TENM4: variants seen among roughly 807,000 people sequenced by gnomAD.
The protein encoded by TENM4 is teneurin transmembrane protein 4, also known as teneurin-4.
TENM4 carries 82 observed loss-of-function variants against 243.3 expected under a neutral mutation model. The observed-to-expected ratio is 0.34, with a 90% CI of 0.28 to 0.40. The LOEUF (loss-of-function observed/expected upper bound fraction) is 0.40. TENM4 is among the 10% of genes least tolerant of loss of function. The probability of loss-of-function intolerance (pLI) is 1.00; values close to 1 mark genes in which losing one functional copy is unlikely to be tolerated. For synonymous variants in TENM4, 1,412 were observed against 1,456.3 expected (o/e 0.97, Z 0.69); for missense variants, 3,138 against 3,673.3 (o/e 0.85, Z 3.77).
At chr11:78,939,423 G>A (rs969892180) in intron 6 of TENM4, among the ~76,000 whole-genome samples, 1 of 152,200 alleles carries the variant, frequency 6.6e-6, no homozygotes, top group African/African-American at 2.4e-5. Context: ...GAAGGAACAT[G>A]GTATTAGCAA....
chr11:78,912,991 T>A (rs1856225910), intron 6 of TENM4, among the ~76,000 whole-genome samples: 1 of 152,232 alleles, frequency 6.6e-6, no homozygotes, highest in African/African-American at 2.4e-5. Flanking sequence ...CTGAGCCCGT[T>A]TCCCCAATTG....
intron 1 of TENM4, among the ~76,000 whole-genome samples, chr11:79,392,911 T>C (rs1159189907): frequency 6.6e-6 from 1 of 152,194 alleles, no homozygotes; most frequent in Non-Finnish European, 1.5e-5. Flanking sequence ...GTGATCCACA[T>C]ACAGCAAGGG....
chr11:79,134,012 G>A (rs1453522774), intron 4 of TENM4, among the ~76,000 whole-genome samples: 3 of 152,132 alleles, frequency 2.0e-5, no homozygotes, highest in African/African-American at 7.2e-5. Context: ...TCAGTCAAGA[G>A]AGAGAAATAA....
intron 1 of TENM4, among the ~76,000 whole-genome samples, chr11:79,403,917 G>A (rs1858514362): frequency 1.3e-5 from 2 of 152,216 alleles, no homozygotes; most frequent in Admixed American, 6.5e-5. Flanking sequence ...GGCTCATCAT[G>A]TGTATTAGCT....
At chr11:78,940,312 A>G (rs953897231) in intron 6 of TENM4, among the ~76,000 whole-genome samples, 1 of 152,206 alleles carries the variant, frequency 6.6e-6, no homozygotes, top group South Asian at 2.1e-4. Context: ...CCAACCTCCT[A>G]CTATTAGACA....
chr11:79,066,768 A>T (rs576244096), intron 5 of TENM4, among the ~76,000 whole-genome samples: 1 of 152,120 alleles, frequency 6.6e-6, no homozygotes, highest in Non-Finnish European at 1.5e-5. Context: ...AAGCACGCAC[A>T]CACACACAAG....
chr11:79,409,652 C>CTGG (rs1858656508), intron 1 of TENM4, among the ~76,000 whole-genome samples: 2 of 152,174 alleles, frequency 1.3e-5, no homozygotes, highest in Non-Finnish European at 2.9e-5. Context: ...CGCACACCAG[C>CTGG]TGTAGCAGAC....
intron 1 of TENM4, among the ~76,000 whole-genome samples, chr11:79,417,520 TAGA>T (rs1344337126): frequency 1.3e-5 from 2 of 151,980 alleles, no homozygotes; most frequent in East Asian, 1.9e-4. Flanking sequence ...TGTACCTGAG[TAGA>T]AGAAGTTTCA....
rs771514418 is a variant in TENM4 at position 78,658,350 on chromosome 11, A to T, written c.8018T>A (p.Leu2673Gln). ...YTDIQLQYGA[L>Q]CLNTRYGTTL... Reference sequence around the variant, plus strand: ...TGTCCCGTAGCGTGTGTTCAAGCACAGTGCCCCGTACTGGAGCTGGATGTC... The same window carrying T: ...TGTCCCGTAGCGTGTGTTCAAGCACTGTGCCCCGTACTGGAGCTGGATGTC... Residue 2673 changes from leucine (L) to glutamine (Q), a missense_variant, in exon 34 of 34, where the codon CTG becomes CAG. Physicochemically the swap from Leu to Gln is moderately radical, Grantham distance 113 (BLOSUM62 -2). Transcript: ENST00000278550. The T allele has an allele frequency of 2.7e-5, 43 of 1,613,736 alleles. No homozygotes were observed. Among genetic ancestry groups the T allele is most frequent in the Non-Finnish European group, 3.6e-5 (43 of 1,179,802 alleles).
At chr11:79,251,164 GA>G (rs1855603577) in intron 2 of TENM4, among the ~76,000 whole-genome samples, 1 of 152,256 alleles carries the variant, frequency 6.6e-6, no homozygotes, top group South Asian at 2.1e-4. Context: ...CCACGTGGGG[GA>G]AAAAAGATGT....
chr11:79,361,662 T>C (rs1857591840), intron 1 of TENM4, among the ~76,000 whole-genome samples: 1 of 152,110 alleles, frequency 6.6e-6, no homozygotes, highest in Non-Finnish European at 1.5e-5. Flanking sequence ...ATGGCACAAA[T>C]AGACTACTTT....
At chr11:79,399,950 T>A (rs563703459) in intron 1 of TENM4, among the ~76,000 whole-genome samples, 172 of 152,260 alleles carry the variant, frequency 1.1e-3, no homozygotes, top group African/African-American at 4.0e-3. Context: ...TTATTATCTC[T>A]TTAGCCCAAA....
At chr11:78,895,251 G>A (rs1461865773) in intron 7 of TENM4, among the ~76,000 whole-genome samples, 2 of 151,516 alleles carry the variant, frequency 1.3e-5, no homozygotes, top group Non-Finnish European at 1.5e-5. Context: ...CAGGAGAATC[G>A]CTTGGACCCA....
chr11:79,146,760 C>A lies in TENM4; in HGVS notation c.-66+1950G>T, dbSNP rs924072893. Among the ~76,000 whole-genome samples the A allele has an allele frequency of 2.6e-5, 4 of 152,084 alleles. No individual in the cohort carries two copies. In the South Asian group the frequency reaches 6.2e-4, roughly 24 times the overall value. ...GCATCCTCCCAGCTCCTGAGAGCAG[C>A]CCTATCCACAGACTTTCAGCTCCAG... On this transcript the variant is annotated intron_variant, in intron 4 of 33. Coordinates refer to ENST00000278550, the MANE Select transcript of TENM4 (RefSeq NM_001098816.3).
At chr11:79,047,202 G>C (rs1365142412) in intron 6 of TENM4, among the ~76,000 whole-genome samples, 2 of 152,150 alleles carry the variant, frequency 1.3e-5, no homozygotes, top group Non-Finnish European at 2.9e-5. Flanking sequence ...CTGACCAAGA[G>C]ACAGACTTAA....
At chr11:79,098,357 C>G (rs1384153671) in intron 4 of TENM4, among the ~76,000 whole-genome samples, 1 of 152,168 alleles carries the variant, frequency 6.6e-6, no homozygotes, top group African/African-American at 2.4e-5. Flanking sequence ...TTCTCCTGAC[C>G]CCTGGCTCCT....
chr11:79,372,965 T>G (rs1327007016), intron 1 of TENM4, among the ~76,000 whole-genome samples: 1 of 152,150 alleles, frequency 6.6e-6, no homozygotes, highest in Non-Finnish European at 1.5e-5. Flanking sequence ...AAGTGTATTA[T>G]TGGAGCTGTA....
chr11:79,398,734 C>T (rs370505695), intron 1 of TENM4, among the ~76,000 whole-genome samples: 2 of 96,526 alleles, frequency 2.1e-5, no homozygotes, highest in African/African-American at 8.3e-5. Flanking sequence ...TAGTCAGATG[C>T]TTTAAAAAAA....
intron 1 of TENM4, among the ~76,000 whole-genome samples, chr11:79,305,219 A>G (rs1372643835): frequency 3.2e-4 from 49 of 152,240 alleles, no homozygotes; most frequent in Admixed American, 3.2e-3. Flanking sequence ...TGAGAAAGTT[A>G]CTTAACTCCT....
Sources: allele counts gnomAD v4.1 joint callset (sites outside exome capture counted in the v4.1 genomes callset), GRCh38; gene constraint gnomAD v4.1.1; transcripts MANE v1.5; gene names NCBI Gene and HGNC (gene_info 2026-07-23, HGNC 2026-07-21).